MMP21: variants seen among roughly 807,000 people sequenced by gnomAD.
MMP21 encodes the protein matrix metalloproteinase-21.
In MMP21, 40 loss-of-function variants were observed where a neutral mutation model predicts 47.8. The ratio of observed to expected loss-of-function variants is 0.84; its 90% CI spans 0.65 to 1.09. The LOEUF is 1.09. Ranked by LOEUF, MMP21 falls within the 50% of genes least tolerant of loss-of-function variation. The pLI, the probability that MMP21 is intolerant of heterozygous loss-of-function variation, is 0.00. For missense variants in MMP21, 747 were observed against 775.3 expected (o/e 0.96, Z 0.43); for synonymous variants, 341 against 318.0 (o/e 1.07, Z -0.77).
Position 125,773,197 on chromosome 10 carries a change from C to T in MMP21, c.698-447G>A, listed in dbSNP as rs1205085697. Among the ~76,000 whole-genome samples the T allele has an allele frequency of 6.6e-6, 1 of 152,172 alleles. No individual in the cohort carries two copies. The highest frequency in any genetic ancestry group is 1.5e-5 in the Non-Finnish European group (1 of 68,038). On this transcript the variant is annotated intron_variant, in intron 2 of 6. Coordinates refer to ENST00000368808, the MANE Select transcript of MMP21 (RefSeq NM_147191.1). This position sits in a 1 kb window ranked among gnomAD's most constrained non-coding sequence, Gnocchi z 4.8. Reference sequence around the variant, plus strand: ...GACCAGAAGACAGCCCTGAGCACCCCCGGGTCACAGATGGGGCTGCAAAGC... The same window carrying T: ...GACCAGAAGACAGCCCTGAGCACCCTCGGGTCACAGATGGGGCTGCAAAGC...
In MMP21 at chr10:125,773,992, C is replaced by A; in HGVS notation, c.536G>T (p.Arg179Leu). 6.4e-7 allele frequency: 1 copy of A among 1,559,266 alleles called. No individual in the cohort carries two copies. Among genetic ancestry groups the A allele is most frequent in the East Asian group, 2.4e-5 (1 of 41,034 alleles). ...QAFSKRTLSW[R>L]LLGEALSSQL... ...GCTGCTCAGGGCCTCGCCCAGCAGC[C>A]GCCAGCTCAGCGTCCTCTTGGAGAA... Residue 179 changes from arginine to leucine, a missense_variant, in exon 2 of 7, where the codon CGG becomes CTG. Transcript: ENST00000368808. This position sits in a 1 kb window ranked among gnomAD's most constrained non-coding sequence, Gnocchi z 4.8.
rs79894536 is a variant in MMP21 at position 125,767,421 on chromosome 10, A to G, written c.1410+111T>C. 1,400 of 1,078,320 alleles carry G rather than the reference A, an allele frequency of 1.3e-3. 15 individuals carry two copies. The East Asian group carries it at 0.02, about 15-fold the overall frequency. 66.8% of individuals were successfully genotyped at this position (1,078,320 alleles called of 1,614,324 possible). On this transcript the variant is annotated intron_variant, in intron 6 of 6. Transcript: ENST00000368808. ...CCTCCCAAAGTGCGGGATTACAGGCATGCGCCACTGTGGCAGGCCAAGTAC... is the reference window on the plus strand; with the variant it reads ...CCTCCCAAAGTGCGGGATTACAGGCGTGCGCCACTGTGGCAGGCCAAGTAC...
At position 125,772,715 on chromosome 10, in the gene MMP21, T is replaced by C. The variant is rs780749762; in HGVS notation, c.733A>G (p.Ser245Gly). The C allele has an allele frequency of 9.3e-6, 15 of 1,614,050 alleles. No individual in the cohort carries two copies. In the South Asian group the frequency reaches 1.6e-4, roughly 18 times the overall value. ...HLGCPRAFDG[S>G]GQEFAHAWRL... is the part of the protein sequence containing the mutation. ...CAGGCGTGTGCAAACTCCTGCCCGC[T>C]CCCATCGAAGGCCCGCGGACAGCCC... Residue 245 changes from serine (S) to glycine (G), a missense_variant, in exon 3 of 7, where the codon AGC becomes GGC. Physicochemically the swap from Ser to Gly is moderately conservative, Grantham distance 56. Transcript: ENST00000368808. This position sits in a 1 kb window ranked among gnomAD's most constrained non-coding sequence, Gnocchi z 5.6.
In MMP21 at chr10:125,770,482, C is replaced by G; in HGVS notation, c.1089G>C (p.Trp363Cys). The part of the protein sequence containing the change: ...RFSTYFFRNS[W>C]YWLYENRNNR... ...TGTTTCGATTTTCATAAAGCCAGTA[C>G]CAGCTGTTACGGAAGAAATATGTGC... The change falls in exon 5 of 7, where the codon TGG (tryptophan) becomes TGC (cysteine). Residue 363 changes from tryptophan to cysteine, a missense_variant. Trp to Cys is a radical substitution (Grantham distance 215). Coordinates refer to ENST00000368808, the MANE Select transcript of MMP21 (RefSeq NM_147191.1). 6.2e-7 allele frequency: 1 copy of G among 1,614,146 alleles called. No individual in the cohort carries two copies. Among genetic ancestry groups the G allele is most frequent in the Non-Finnish European group, 8.5e-7 (1 of 1,180,042 alleles).
At chr10:125,767,035 T>C (rs1850394760) in intron 6 of MMP21, 74 bp from the exon 7 acceptor site, 2 of 1,221,484 alleles carry the variant, frequency 1.6e-6, no homozygotes, top group Middle Eastern at 2.8e-4. Flanking sequence ...AACAATGAGA[T>C]AAGTAACTCA....
chr10:125,775,607 G>A (rs1850507958), intron 1 of MMP21, 53 bp downstream of exon 1: 6 of 1,523,480 alleles, frequency 3.9e-6, no homozygotes, highest in Non-Finnish European at 5.3e-6. Context: ...GCATGTGCCT[G>A]TGTGCACGTG....
At position 125,770,299 on chromosome 10, in the gene MMP21, TGA is replaced by T. The variant is rs1284396537; in HGVS notation, c.1237+33_1237+34del. ...ATTCCTTCTGAGTGCATTCGTTTAA[TGA>T]GAGAAATAGAACCATCCATGAAGAA... On this transcript the variant is annotated intron_variant, in intron 5 of 6. Coordinates refer to ENST00000368808, the MANE Select transcript of MMP21 (RefSeq NM_147191.1). 3.7e-6 allele frequency: 6 copies of T among 1,608,704 alleles called. No individual in the cohort carries two copies. In the Middle Eastern group the frequency reaches 6.6e-4, roughly 177 times the overall value.
chr10:125,773,749 G>T lies in MMP21; in HGVS notation c.697+82C>A. The T allele has an allele frequency of 7.0e-7, 1 of 1,424,968 alleles. No homozygotes were observed. Among genetic ancestry groups the T allele is most frequent in the Non-Finnish European group, 9.1e-7 (1 of 1,094,326 alleles). The allele number at this position is 1,424,968 out of a possible 1,614,324, so 88.3% of individuals were successfully genotyped here. On this transcript the variant is annotated intron_variant, in intron 2 of 6. Transcript: ENST00000368808. The surrounding 1 kb of genome is among the most constrained non-coding windows in gnomAD (Gnocchi z 4.8). The stretch of plus-strand genomic sequence containing the variant: ...CCGGGAGGGCTTAGCCCCCCATTCT[G>T]CAGGTGGCCGAGGTGGGGGTAGGTG...
At chr10:125,768,137 G>C (rs181999627) in intron 5 of MMP21, among the ~76,000 whole-genome samples, 1 of 152,032 alleles carries the variant, frequency 6.6e-6, no homozygotes, top group African/African-American at 2.4e-5. Flanking sequence ...AATCACTTTC[G>C]TATCCTAATC....
In MMP21 at chr10:125,773,868, G is replaced by C; in HGVS notation, c.660C>G (p.Pro220=). The C allele has an allele frequency of 6.4e-7, 1 of 1,568,038 alleles. No individual in the cohort carries two copies. The highest frequency in any genetic ancestry group is 8.6e-7 in the Non-Finnish European group (1 of 1,164,204). The change falls in exon 2 of 7, where the codon CCC becomes CCG. Residue 220 remains proline (P), a synonymous_variant. Coordinates refer to ENST00000368808, the MANE Select transcript of MMP21 (RefSeq NM_147191.1). This position sits in a 1 kb window ranked among gnomAD's most constrained non-coding sequence, Gnocchi z 4.8. ...PLDFREDLAA[P]GAAVDIKLGF... ...CCAGCTTGATGTCGACCGCGGCCCC[G>C]GGGGCGGCCAGGTCCTCGCGGAAGT...
At chr10:125,770,679 C>T (rs538574499) in intron 4 of MMP21, 88 bp from the exon 5 acceptor site, 2 of 1,451,122 alleles carry the variant, frequency 1.4e-6, no homozygotes, top group East Asian at 2.3e-5. Flanking sequence ...AAGACAGTTG[C>T]AAAGCTGGGG....
At chr10:125,769,286 A>C (rs1176859898) in intron 5 of MMP21, among the ~76,000 whole-genome samples, 2 of 152,128 alleles carry the variant, frequency 1.3e-5, no homozygotes, top group African/African-American at 4.8e-5. Flanking sequence ...AGGCTCCATC[A>C]CATCAGTCTC....
Position 125,774,154 on chromosome 10 carries a change from G to A in MMP21, c.374C>T (p.Pro125Leu), listed in dbSNP as rs1850488063. Residue 125 changes from proline (P) to leucine (L), a missense_variant, in exon 2 of 7, where the codon CCG (proline) becomes CTG (leucine). Coordinates refer to ENST00000368808, the MANE Select transcript of MMP21 (RefSeq NM_147191.1). ...PRCGVPDMRP[P>L]PPSAPPSPPG... ...GGGCGAAGGCGGGGCGGAGGGGGGC[G>A]GTGGGCGCATGTCCGGGACCCCGCA... is the stretch of plus-strand genomic sequence containing the variant. The A allele has an allele frequency of 1.6e-6, 2 of 1,276,854 alleles. No individual in the cohort carries two copies. The highest frequency in any genetic ancestry group is 2.6e-5 in the South Asian group (1 of 37,860). 79.1% of individuals were successfully genotyped at this position (1,276,854 alleles called of 1,614,324 possible).
rs749348073 is a variant in MMP21, at chr10:125,770,497, G to C, written c.1074C>G (p.Phe358Leu). The C allele has an allele frequency of 6.2e-7, 1 of 1,613,990 alleles. No individual in the cohort carries two copies. The highest frequency in any genetic ancestry group is 8.5e-7 in the Non-Finnish European group (1 of 1,180,036). ...AAAGCCAGTACCAGCTGTTACGGAA[G>C]AAATATGTGCTAAATCTCACCATCA... ...GEVMVRFSTY[F>L]FRNSWYWLYE... The change falls in exon 5 of 7, where the codon TTC (phenylalanine) becomes TTG (leucine). Residue 358 changes from phenylalanine (F) to leucine (L), a missense_variant. Phe to Leu is a conservative substitution (Grantham distance 22). Transcript: ENST00000368808.
intron 5 of MMP21, among the ~76,000 whole-genome samples, chr10:125,768,612 T>C (rs1011358399): frequency 2.0e-5 from 3 of 152,160 alleles, no homozygotes; most frequent in Non-Finnish European, 4.4e-5. Context: ...CCATTAACAG[T>C]GTGACGTTCA....
At chr10:125,768,825 A>C (rs757156883) in intron 5 of MMP21, among the ~76,000 whole-genome samples, 11 of 152,220 alleles carry the variant, frequency 7.2e-5, no homozygotes, top group Non-Finnish European at 1.6e-4. Flanking sequence ...ACCCTGAAAG[A>C]TGTGCTTCCA....
chr10:125,775,450 T>C (rs1850506010), intron 1 of MMP21, among the ~76,000 whole-genome samples: 1 of 152,232 alleles, frequency 6.6e-6, no homozygotes, highest in Non-Finnish European at 1.5e-5. Context: ...AGGGCTGACC[T>C]GTGGGATTGT....
Position 125,774,279 on chromosome 10 carries a change from G to T in MMP21, c.249C>A (p.Ala83=). 2 of 1,416,404 alleles carry T rather than the reference G, an allele frequency of 1.4e-6. No individual in the cohort carries two copies. The highest frequency in any genetic ancestry group is 1.8e-6 in the Non-Finnish European group (2 of 1,093,104). The allele number at this position is 1,416,404 out of a possible 1,614,324, so 87.7% of individuals were successfully genotyped here. The change falls in exon 2 of 7, where the codon GCC becomes GCA. Residue 83 remains alanine (A), a synonymous_variant. Transcript: ENST00000368808. ...PEGPPETPKG[A]ALAEAVRRFQ... is the part of the protein sequence containing the mutation. ...ACCTGCGCACCGCCTCGGCCAGGGC[G>T]GCGCCCTTGGGGGTCTCCGGCGGCC...
In MMP21 at chr10:125,772,420, C is replaced by G; in HGVS notation, c.838-61G>C. On this transcript the variant is annotated intron_variant, in intron 3 of 6. Coordinates refer to ENST00000368808, the MANE Select transcript of MMP21 (RefSeq NM_147191.1). The surrounding 1 kb of genome is among the most constrained non-coding windows in gnomAD (Gnocchi z 5.6). Reference sequence around the variant, plus strand: ...GCCTGGGCGATGGATCCCTGCATAACAGACGCAGGCCTGTGCTTCGAGAGG... The same window carrying G: ...GCCTGGGCGATGGATCCCTGCATAAGAGACGCAGGCCTGTGCTTCGAGAGG... The G allele has an allele frequency of 2.5e-6, 4 of 1,603,644 alleles. No homozygotes were observed. The highest frequency in any genetic ancestry group is 3.4e-6 in the Non-Finnish European group (4 of 1,172,978).
Sources: gnomAD v4.1 joint callset for allele counts (sites outside exome capture counted in the v4.1 genomes callset) on GRCh38, gnomAD v4.1.1 for gene constraint, Gnocchi (gnomAD v3.1) non-coding constraint, MANE v1.5 for transcripts, NCBI Gene and HGNC (gene_info 2026-07-23, HGNC 2026-07-21) for gene names.